Variants in RAB13 observed in about 807,000 individuals in gnomAD.
The protein encoded by RAB13 is RAB13, member RAS oncogene family.
In RAB13, 15 loss-of-function variants were observed where a neutral mutation model predicts 29.3. That is an observed-to-expected ratio of 0.51 (90% CI 0.34 to 0.79). The LOEUF is 0.79. Among genes scored for constraint, RAB13 ranks in the 30% least tolerant of loss-of-function variants. The pLI, the probability that RAB13 is intolerant of heterozygous loss-of-function variation, is 0.01. For synonymous variants in RAB13, 82 were observed against 93.8 expected, an observed-to-expected ratio of 0.87 and a Z score of 0.73; for missense variants, 186 against 255.5, an observed-to-expected ratio of 0.73 and a Z score of 1.85.
intron 4 of RAB13, chr1:153,983,016 T>C (rs367560794): frequency 4.1e-6 from 3 of 723,244 alleles, no homozygotes; most frequent in South Asian, 3.4e-5. Context: ...TCCCAGCTAC[T>C]TGGGAGGCTG....
intron 1 of RAB13, 165 bp downstream of exon 1, chr1:153,985,948 C>CT: frequency 7.9e-7 from 1 of 1,263,746 alleles, no homozygotes; most frequent in Non-Finnish European, 1.1e-6. Context: ...GGTTTGGTTA[C>CT]TATACAGAGA....
rs183837316 is a variant in RAB13, at chr1:153,983,049, T to C, written c.324+170A>G. ...CTGAGGCAGGAAAATCGTTTGAACC[T>C]GGGAGGCAGAGGTTGCAGTGAGCCG... On this transcript the variant is annotated intron_variant, in intron 4 of 7. Transcript: ENST00000368575. 797 of 753,462 alleles carry C rather than the reference T, an allele frequency of 1.1e-3. 4 individuals are homozygous for C. The highest frequency in any genetic ancestry group is 0.01 in the African/African-American group (576 of 57,574). 46.7% of individuals were successfully genotyped at this position (753,462 alleles called of 1,614,324 possible). A position where few individuals can be genotyped will look rare whatever the true frequency, so the allele number is the denominator to read the frequency against.
Position 153,983,649 on chromosome 1 carries a change from C to T in RAB13, c.186-68G>A, listed in dbSNP as rs547192131. 2.9e-6 allele frequency: 4 copies of T among 1,386,024 alleles called. No homozygotes were observed. The African/African-American group carries it at 4.3e-5, about 15-fold the overall frequency. 85.9% of individuals were successfully genotyped at this position (1,386,024 alleles called of 1,614,324 possible). A position where few individuals can be genotyped will look rare whatever the true frequency, so the allele number is the denominator to read the frequency against. On this transcript the variant is annotated intron_variant, in intron 2 of 7. Transcript: ENST00000368575. ...ATTCTCCAACGGAATAATTCTTCCT[C>T]TCTCACAAGAATTTAGCTTTTGTAA...
chr1:153,982,773 C>T lies in RAB13; in HGVS notation c.360G>A (p.Gly120=), dbSNP rs1334121342. 2 of 1,614,026 alleles carry T rather than the reference C, an allele frequency of 1.2e-6. No homozygotes were observed. The highest frequency in any genetic ancestry group is 2.7e-5 in the African/African-American group (2 of 74,884). ...TCTTGGCCTCCATGTCACATTTGTT[C>T]CCCAGCAAGAGGCGCTCCACCCCAG... is the stretch of plus-strand genomic sequence containing the variant. ...ASAGVERLLL[G]NKCDMEAKRK... is the part of the protein sequence containing the mutation. Residue 120 remains glycine (G), a synonymous_variant, in exon 5 of 8, where the codon GGG becomes GGA. Transcript: ENST00000368575.
upstream of RAB13, among the ~76,000 whole-genome samples, chr1:153,987,524 A>AGAAAG (rs1553215337): frequency 1.6e-4 from 17 of 106,636 alleles, no homozygotes; most frequent in African/African-American, 4.3e-4. Flanking sequence ...TCAAAAAAAA[A>AGAAAG]AAAAAAAGAA....
rs779840771 is a variant in RAB13 at position 153,982,346 on chromosome 1, C to G, written c.534+45G>C. ...ACACACACACACACATACATACACA[C>G]ACACACACCCCAGAGTTGTACCTAG... On this transcript the variant is annotated intron_variant, in intron 7 of 7. Transcript: ENST00000368575. 18 of 1,558,964 alleles carry G rather than the reference C, an allele frequency of 1.2e-5. No individual in the cohort carries two copies. In the Admixed American group the frequency reaches 2.7e-4, roughly 23 times the overall value.
At position 153,984,785 on chromosome 1, in the gene RAB13, G is replaced by A. The variant is rs1442308485; in HGVS notation, c.125-4C>T. 2 of 1,611,774 alleles carry A rather than the reference G, an allele frequency of 1.2e-6. No homozygotes were observed. The highest frequency in any genetic ancestry group is 2.7e-5 in the African/African-American group (2 of 74,828). On this transcript the variant is annotated splice_polypyrimidine_tract_variant and splice_region_variant and intron_variant, in intron 1 of 7. Coordinates refer to ENST00000368575, the MANE Select transcript of RAB13 (RefSeq NM_002870.5). ...GTGCGGATCTTGAAATCAATTCCTA[G>A]GGGTGGAAGGTATGCACTGAAGTTG...
rs1649015010 is a variant in RAB13, at chr1:153,982,458, CAG to C, written c.481-16_481-15del. 1 of 1,613,328 alleles carries C rather than the reference CAG, an allele frequency of 6.2e-7. No individual in the cohort carries two copies. Among genetic ancestry groups the C allele is most frequent in the Non-Finnish European group, 8.5e-7 (1 of 1,179,278 alleles). On this transcript the variant is annotated splice_polypyrimidine_tract_variant and intron_variant, in intron 6 of 7. Coordinates refer to ENST00000368575, the MANE Select transcript of RAB13 (RefSeq NM_002870.5). ...GGAACTAAAAGCCTAAAGTGGGGAA[CAG>C]AGTCAGTTTGGAGGGAGGAGAATCT...
At chr1:153,990,656 C>T (rs1649332193), upstream of RAB13, 5 of 1,105,940 alleles carry the variant, frequency 4.5e-6, no homozygotes, top group Non-Finnish European at 6.9e-6. Context: ...CCTTGTCTCC[C>T]CACTGCGGCG....
At chr1:153,988,740 A>G (rs1482236827), upstream of RAB13, among the ~76,000 whole-genome samples, 9 of 149,126 alleles carry the variant, frequency 6.0e-5, no homozygotes, top group Non-Finnish European at 7.5e-5. Context: ...CAGCCTCGCG[A>G]GTAGCTGAAA....
At chr1:153,984,821 G>A (rs1450563947) in intron 1 of RAB13, 40 bp from the exon 2 acceptor site, 3 of 1,584,256 alleles carry the variant, frequency 1.9e-6, no homozygotes, top group Non-Finnish European at 2.6e-6. Flanking sequence ...AGACATGCAT[G>A]CACACATGTA....
In RAB13 at chr1:153,981,896, T is replaced by A; in HGVS notation, c.*203A>T. ...TACCTCCTTGCCTTCTTTCACTTCC[T>A]CAATTCATTCCTCTCCCTTCTCCCT... On this transcript the variant is annotated 3_prime_UTR_variant, in exon 8 of 8. Coordinates refer to ENST00000368575, the MANE Select transcript of RAB13 (RefSeq NM_002870.5). 1.7e-6 allele frequency: 1 copy of A among 603,116 alleles called. No individual in the cohort carries two copies. Among genetic ancestry groups the A allele is most frequent in the East Asian group, 2.8e-5 (1 of 35,910 alleles). The allele number at this position is 603,116 out of a possible 1,614,324, so 37.4% of individuals were successfully genotyped here. A position where few individuals can be genotyped will look rare whatever the true frequency, so the allele number is the denominator to read the frequency against.
intron 3 of RAB13, 81 bp from the exon 4 acceptor site, chr1:153,983,377 G>A: frequency 2.0e-6 from 3 of 1,488,860 alleles, no homozygotes; most frequent in Non-Finnish European, 2.8e-6. Flanking sequence ...GCATCCATGG[G>A]TCTAAACACT....
upstream of RAB13, among the ~76,000 whole-genome samples, chr1:153,987,233 G>C (rs1649195894): frequency 6.6e-6 from 1 of 152,170 alleles, no homozygotes; most frequent in Non-Finnish European, 1.5e-5. Context: ...TTTGCCGGGC[G>C]CGGTGGCTCA....
upstream of RAB13, among the ~76,000 whole-genome samples, chr1:153,987,890 A>G (rs973248598): frequency 1.5e-4 from 23 of 151,956 alleles, no homozygotes; most frequent in Non-Finnish European, 2.5e-4. Flanking sequence ...CAAGAGTCCA[A>G]GGCTGTAGTG....
chr1:153,988,117 T>C (rs979263111), upstream of RAB13, among the ~76,000 whole-genome samples: 1 of 151,622 alleles, frequency 6.6e-6, no homozygotes, highest in Non-Finnish European at 1.5e-5. Flanking sequence ...CTGGAGTACC[T>C]GTAATCCTCT....
At chr1:153,985,473 GGAT>G (rs1649135462) in intron 1 of RAB13, 3 of 656,260 alleles carry the variant, frequency 4.6e-6, no homozygotes, top group Non-Finnish European at 5.7e-6. Context: ...CCTGGGAGGA[GGAT>G]GAGTCACCAG....
intron 6 of RAB13, 40 bp from the exon 7 acceptor site, chr1:153,982,484 C>A: frequency 1.2e-6 from 2 of 1,608,260 alleles, no homozygotes; most frequent in South Asian, 1.1e-5. Context: ...GGAGGAGAAT[C>A]TACCTTCTAA....
At chr1:153,990,367 A>C (rs1209930984), upstream of RAB13, among the ~76,000 whole-genome samples, 1 of 152,210 alleles carries the variant, frequency 6.6e-6, no homozygotes, top group African/African-American at 2.4e-5. Flanking sequence ...CGCCCGGCCT[A>C]AACTGTTAAA....
Sources: gnomAD v4.1 joint callset for allele counts (sites outside exome capture counted in the v4.1 genomes callset) on GRCh38, gnomAD v4.1.1 for gene constraint, MANE v1.5 for transcripts, NCBI Gene and HGNC (gene_info 2026-07-23, HGNC 2026-07-21) for gene names.